ASAH2: variants seen among roughly 807,000 people sequenced by gnomAD.
ASAH2 encodes the protein neutral ceramidase.
ASAH2 carries 58 observed loss-of-function variants against 82.9 expected under a neutral mutation model. That is an observed-to-expected ratio of 0.70 (90% CI 0.57 to 0.87). The LOEUF (loss-of-function observed/expected upper bound fraction) is 0.87. Among genes scored for constraint, ASAH2 ranks in the 40% least tolerant of loss-of-function variants. ASAH2 has a pLI of 0.00. For missense variants in ASAH2, 779 were observed against 834.0 expected (o/e 0.93, Z 0.81); for synonymous variants, 276 against 289.7 (o/e 0.95, Z 0.48).
In ASAH2 at chr10:50,235,923, G is replaced by T; in HGVS notation, c.652C>A (p.Gln218Lys). Residue 218 changes from glutamine to lysine, a missense_variant, in exon 5 of 21, where the codon CAA becomes AAA. Physicochemically the swap from Gln to Lys is moderately conservative, Grantham distance 53. This residue lies in a region of ASAH2 where 759 missense variants were observed against 755.2 expected (regional missense o/e 1.00). Transcript: ENST00000682911. The part of the protein sequence containing the change: ...FVIASEGFSN[Q>K]TFQHMVTGIL... ...CCAGTGACCATGTGCTGAAAAGTTT[G>T]ATTGCTAAATCCTTCACTGGCAATT... is the stretch of plus-strand genomic sequence containing the variant. 1 of 1,613,328 alleles carries T rather than the reference G, an allele frequency of 6.2e-7. No homozygotes were observed. The highest frequency in any genetic ancestry group is 1.1e-5 in the South Asian group (1 of 91,068).
chr10:50,224,659 C>A (rs1845835068), intron 7 of ASAH2, among the ~76,000 whole-genome samples: 1 of 152,148 alleles, frequency 6.6e-6, no homozygotes, highest in Non-Finnish European at 1.5e-5. Context: ...ACTAGACTTT[C>A]CATGAGTGGA....
intron 7 of ASAH2, among the ~76,000 whole-genome samples, chr10:50,226,895 G>T (rs1199400920): frequency 2.0e-5 from 3 of 151,968 alleles, no homozygotes; most frequent in East Asian, 1.9e-4. Flanking sequence ...GATAAAACAT[G>T]GAATAAGAGC....
intron 5 of ASAH2, 54 bp downstream of exon 5, chr10:50,235,834 A>G: frequency 3.2e-6 from 5 of 1,579,792 alleles, no homozygotes; most frequent in Non-Finnish European, 1.7e-6. Context: ...AATCACTCCT[A>G]AAATACCTGT....
At chr10:50,193,242 G>A (rs1189737803) in intron 18 of ASAH2, among the ~76,000 whole-genome samples, 185 of 151,690 alleles carry the variant, frequency 1.2e-3, no homozygotes, top group African/African-American at 4.2e-3. Context: ...TTGAGTGGCA[G>A]CAGACAAACA....
At chr10:50,213,814 A>G (rs897040663) in intron 9 of ASAH2, among the ~76,000 whole-genome samples, 2 of 152,182 alleles carry the variant, frequency 1.3e-5, no homozygotes, top group Non-Finnish European at 2.9e-5. Context: ...TAAAAAGTCG[A>G]TAAGAAAAAA....
intron 8 of ASAH2, among the ~76,000 whole-genome samples, chr10:50,218,270 T>C (rs1845659698): frequency 6.6e-6 from 1 of 152,218 alleles, no homozygotes; most frequent in African/African-American, 2.4e-5. Flanking sequence ...ATTCAACTAA[T>C]AACTTTATGA....
intron 1 of ASAH2, among the ~76,000 whole-genome samples, chr10:50,250,285 T>A (rs1846581010): frequency 6.6e-6 from 1 of 152,166 alleles, no homozygotes; most frequent in Non-Finnish European, 1.5e-5. Flanking sequence ...AGGTGAAAGA[T>A]CAGTCTAACA....
intron 6 of ASAH2, among the ~76,000 whole-genome samples, chr10:50,234,182 CA>C (rs1362071687): frequency 6.6e-6 from 1 of 152,084 alleles, no homozygotes; most frequent in African/African-American, 2.4e-5. Context: ...CAGAGTCCTT[CA>C]AACATCCACA....
chr10:50,233,565 G>A (rs1846068469), intron 6 of ASAH2, among the ~76,000 whole-genome samples: 1 of 152,034 alleles, frequency 6.6e-6, no homozygotes, highest in South Asian at 2.1e-4. Flanking sequence ...ATTTGTCTTT[G>A]AAATTTCTAC....
intron 16 of ASAH2, among the ~76,000 whole-genome samples, chr10:50,200,164 A>T (rs1300110737): frequency 6.6e-6 from 1 of 151,594 alleles, no homozygotes; most frequent in Non-Finnish European, 1.5e-5. Flanking sequence ...CCTATACACA[A>T]GCCCTTCCAA....
At chr10:50,213,390 C>G (rs1050005182) in intron 9 of ASAH2, among the ~76,000 whole-genome samples, 36 of 152,110 alleles carry the variant, frequency 2.4e-4, no homozygotes, top group Non-Finnish European at 4.4e-4. Flanking sequence ...CATCTTTCTA[C>G]TTGCTTGTTC....
rs1025228142 is a variant in ASAH2, at chr10:50,204,779, T to A, written c.1625+82A>T. On this transcript the variant is annotated intron_variant, in intron 14 of 20. Coordinates refer to ENST00000682911, the MANE Select transcript of ASAH2 (RefSeq NM_019893.4). ...AGGATACCAAGGGGTCAACACAGAA[T>A]GATCTTTTCATGATAAGAAGCAATT... 97 of 1,094,616 alleles carry A rather than the reference T, an allele frequency of 8.9e-5. No individual in the cohort carries two copies. The Middle Eastern group carries it at 2.5e-3, about 29-fold the overall frequency. The allele number at this position is 1,094,616 out of a possible 1,614,324, so 67.8% of individuals were successfully genotyped here.
At chr10:50,203,230 C>T (rs1051776484) in intron 15 of ASAH2, among the ~76,000 whole-genome samples, 11 of 151,906 alleles carry the variant, frequency 7.2e-5, no homozygotes, top group Non-Finnish European at 1.3e-4. Context: ...AGTAACAAGA[C>T]ATTTTTGACA....
chr10:50,234,497 C>T lies in ASAH2; in HGVS notation c.743G>A (p.Gly248Glu), dbSNP rs1846098314. The change falls in exon 6 of 21, where the codon GGA (glycine) becomes GAA (glutamate). Residue 248 changes from glycine to glutamate, a missense_variant. Around this residue, in one of 3 missense-constraint regions of ASAH2, gnomAD observed 759 missense variants for 755.2 expected, o/e 1.00. Coordinates refer to ENST00000682911, the MANE Select transcript of ASAH2 (RefSeq NM_019893.4). The stretch of plus-strand genomic sequence containing the variant: ...GTTGATCTGCACACCATCCACATTT[C>T]CTTTATTGATGAAGATTTTGCCTGG... ...MKPGKIFINK[G>E]NVDGVQINRS... 6.2e-7 allele frequency: 1 copy of T among 1,612,970 alleles called. No homozygotes were observed. Among genetic ancestry groups the T allele is most frequent in the Non-Finnish European group, 8.5e-7 (1 of 1,179,266 alleles).
rs533348875 is a variant in ASAH2, at chr10:50,200,965, T to C, written c.1762-1819A>G. ...CCTTTTTGTTCACTACGCCCCCCTA[T>C]CCTGTACCCATATAAACCCCAAACC... On this transcript the variant is annotated intron_variant, in intron 16 of 20. Coordinates refer to ENST00000682911, the MANE Select transcript of ASAH2 (RefSeq NM_019893.4). Among the ~76,000 whole-genome samples, 692 of 151,830 alleles carry C rather than the reference T, an allele frequency of 4.6e-3. 6 individuals are homozygous for C. Among genetic ancestry groups the C allele is most frequent in the African/African-American group, 0.015 (626 of 41,406 alleles).
chr10:50,228,861 AGAG>A (rs1845957960), intron 7 of ASAH2, among the ~76,000 whole-genome samples: 1 of 152,014 alleles, frequency 6.6e-6, no homozygotes, highest in South Asian at 2.1e-4. Flanking sequence ...AGGAAGGAGA[AGAG>A]GAGTCCATGT....
chr10:50,245,508 A>T, intron 2 of ASAH2, 54 bp from the exon 3 acceptor site: 2 of 1,489,688 alleles, frequency 1.3e-6, no homozygotes. Flanking sequence ...TTATTTGTCA[A>T]CATCAATTAG....
chr10:50,200,039 T>C (rs1845098664), intron 16 of ASAH2, among the ~76,000 whole-genome samples: 1 of 151,398 alleles, frequency 6.6e-6, no homozygotes, highest in Non-Finnish European at 1.5e-5. Flanking sequence ...ATAAGCACAG[T>C]ACCTGATAAG....
chr10:50,230,177 G>A (rs2133222134), intron 7 of ASAH2, among the ~76,000 whole-genome samples: 1 of 152,258 alleles, frequency 6.6e-6, no homozygotes, highest in South Asian at 2.1e-4. Context: ...CTCATAGTAG[G>A]TCCCTAGTGC....
Sources: gnomAD v4.1 joint callset for allele counts (sites outside exome capture counted in the v4.1 genomes callset) on GRCh38, gnomAD v4.1.1 for gene constraint, gnomAD v4.1.1 regional missense constraint, MANE v1.5 for transcripts, NCBI Gene and HGNC (gene_info 2026-07-23, HGNC 2026-07-21) for gene names.